The following ODAD2 variants were observed in gnomAD, a reference collection of about 807,000 sequenced individuals.
ODAD2 encodes outer dynein arm docking complex subunit 2.
In ODAD2, 89 loss-of-function variants were observed where a neutral mutation model predicts 106.8. The ratio of observed to expected loss-of-function variants is 0.83; its 90% CI spans 0.70 to 0.99. The LOEUF (loss-of-function observed/expected upper bound fraction) is 0.99, where lower values mean the gene tolerates loss of function less well. Among genes scored for constraint, ODAD2 ranks in the 50% least tolerant of loss-of-function variants. The pLI, the probability that ODAD2 is intolerant of heterozygous loss-of-function variation, is 0.00. For synonymous variants in ODAD2, 404 were observed against 436.2 expected (o/e 0.93, Z 0.92); for missense variants, 1,168 against 1,238.5 (o/e 0.94, Z 0.85).
chr10:27,945,040 T>C (rs572925599), intron 10 of ODAD2, 78 bp from the exon 11 acceptor site: 12 of 1,534,820 alleles, frequency 7.8e-6, no homozygotes, highest in Non-Finnish European at 9.8e-6. Flanking sequence ...TACGAATCCA[T>C]GAACTGGAAA....
intron 19 of ODAD2, among the ~76,000 whole-genome samples, chr10:27,843,267 A>C (rs1472469826): frequency 3.3e-5 from 5 of 152,238 alleles, no homozygotes; most frequent in Non-Finnish European, 5.9e-5. Context: ...AAATCTGTGC[A>C]TGAAAATCTT....
chr10:27,930,697 A>T (rs1845558362), intron 16 of ODAD2, among the ~76,000 whole-genome samples: 1 of 152,120 alleles, frequency 6.6e-6, no homozygotes, highest in South Asian at 2.1e-4. Context: ...CTTATTAAGA[A>T]ACAATATACT....
At chr10:27,887,913 T>A (rs1401578245) in intron 17 of ODAD2, among the ~76,000 whole-genome samples, 1 of 152,058 alleles carries the variant, frequency 6.6e-6, no homozygotes, top group Non-Finnish European at 1.5e-5. Context: ...TGAACAGTTG[T>A]ACACCAACAA....
At chr10:27,955,235 AT>A (rs759061144) in intron 10 of ODAD2, among the ~76,000 whole-genome samples, 35 of 149,160 alleles carry the variant, frequency 2.3e-4, no homozygotes, top group Admixed American at 5.4e-4. Context: ...ATTCTTTTCC[AT>A]TTTTTTTTTA....
At position 27,961,640 on chromosome 10, in the gene ODAD2, G is replaced by A. The variant is rs1445068915; in HGVS notation, c.1314C>T (p.Asp438=). Residue 438 remains aspartate, a synonymous_variant, in exon 10 of 20, where the codon GAC becomes GAT. Transcript: ENST00000305242. ...AATCTGCACTTGCTTCCTGACGATG[G>A]TCAGGTGGTTCTTCATCTTCCTCAC... ...SESEEDEEPP[D]HRQEASADLP... 4 of 1,609,600 alleles carry A rather than the reference G, an allele frequency of 2.5e-6. No individual in the cohort carries two copies. In the African/African-American group the frequency reaches 4.0e-5, roughly 16 times the overall value.
intron 10 of ODAD2, among the ~76,000 whole-genome samples, chr10:27,958,264 C>G (rs1847870696): frequency 2.0e-5 from 3 of 152,252 alleles, no homozygotes; most frequent in Admixed American, 2.0e-4. Flanking sequence ...TTTAGCTGTA[C>G]TGGGACAGAA....
rs1368830561 is a variant in ODAD2 at position 27,985,256 on chromosome 10, G to A, written c.383-45C>T. ...GGAGACAAATAAAAATTATCCACTTGTCTTCTAGTACAACAAACATTAAGA... is the reference window on the plus strand; with the variant it reads ...GGAGACAAATAAAAATTATCCACTTATCTTCTAGTACAACAAACATTAAGA... On this transcript the variant is annotated intron_variant, in intron 3 of 19. Transcript: ENST00000305242. 4 of 1,384,478 alleles carry A rather than the reference G, an allele frequency of 2.9e-6. No homozygotes were observed. In the Admixed American group the frequency reaches 7.9e-5, roughly 27 times the overall value. 85.8% of individuals were successfully genotyped at this position (1,384,478 alleles called of 1,614,324 possible).
chr10:27,885,438 A>G (rs1842007794), intron 17 of ODAD2, among the ~76,000 whole-genome samples: 1 of 132,146 alleles, frequency 7.6e-6, no homozygotes, highest in African/African-American at 3.0e-5. Context: ...TGAACCTGGG[A>G]GGTGGAGGTT....
intron 17 of ODAD2, among the ~76,000 whole-genome samples, chr10:27,882,458 T>A (rs968884163): frequency 1.7e-4 from 26 of 152,082 alleles, no homozygotes; most frequent in African/African-American, 6.3e-4. Flanking sequence ...AGGGGAAGCA[T>A]GTCTGAAATG....
At chr10:27,899,270 T>C (rs1233095999) in intron 17 of ODAD2, among the ~76,000 whole-genome samples, 3 of 151,924 alleles carry the variant, frequency 2.0e-5, no homozygotes, top group Non-Finnish European at 2.9e-5. Context: ...TGAGGAACAG[T>C]ATACTCTGGC....
In ODAD2 at chr10:27,823,869, G is replaced by A. The variant is rs967457074; in HGVS notation, c.3022-11244C>T. ...CATAAAAATAGTTCAGGCCGGGCGC[G>A]GTGGCTCACGCCTGTAATCCCAGCA... On this transcript the variant is annotated intron_variant, in intron 19 of 19. Transcript: ENST00000305242. Among the ~76,000 whole-genome samples the A allele has an allele frequency of 7.7e-5, 9 of 116,370 alleles. 3 individuals carry two copies. Among genetic ancestry groups the A allele is most frequent in the African/African-American group, 3.4e-4 (7 of 20,602 alleles). The allele number at this position is 116,370 out of a possible 152,430, so 76.3% of individuals were successfully genotyped here. A position where few individuals can be genotyped will look rare whatever the true frequency, so the allele number is the denominator to read the frequency against.
intron 1 of ODAD2, 89 bp downstream of exon 1, chr10:27,998,905 C>T (rs1474322908): frequency 6.4e-6 from 1 of 155,294 alleles, no homozygotes; most frequent in Non-Finnish European, 1.4e-5. Flanking sequence ...TGTGGGAGGC[C>T]TACAGGGCCC....
chr10:27,896,192 A>C (rs1842843224), intron 17 of ODAD2, among the ~76,000 whole-genome samples: 1 of 152,328 alleles, frequency 6.6e-6, no homozygotes, highest in South Asian at 2.1e-4. Context: ...TATACACGTC[A>C]ATGAAATTTT....
At position 27,935,155 on chromosome 10, in the gene ODAD2, A is replaced by G; in HGVS notation, c.2350T>C (p.Cys784Arg). The stretch of plus-strand genomic sequence containing the variant: ...ATGACTCGGTTTTCACGTTCTTGGC[A>G]GCATTCTCCCAAGGCCCCAACCACA... ...VNVVGALGEC[C>R]QERENRVIVR... The change falls in exon 16 of 20, where the codon TGC becomes CGC. Residue 784 changes from cysteine to arginine, a missense_variant. Physicochemically the swap from Cys to Arg is radical, Grantham distance 180. Around this residue, in one of 3 missense-constraint regions of ODAD2, gnomAD observed 701 missense variants for 712.3 expected, o/e 0.98. Transcript: ENST00000305242. 16 of 1,614,030 alleles carry G rather than the reference A, an allele frequency of 9.9e-6. No individual in the cohort carries two copies. Among genetic ancestry groups the G allele is most frequent in the Non-Finnish European group, 1.4e-5 (16 of 1,179,904 alleles).
intron 16 of ODAD2, among the ~76,000 whole-genome samples, chr10:27,922,807 G>A (rs1474817404): frequency 1.3e-5 from 2 of 152,150 alleles, no homozygotes; most frequent in African/African-American, 4.8e-5. Flanking sequence ...TATGGTGGCT[G>A]AGGCAGGAGA....
chr10:27,886,452 T>A (rs1183636368), intron 17 of ODAD2, among the ~76,000 whole-genome samples: 1 of 152,020 alleles, frequency 6.6e-6, no homozygotes, highest in Admixed American at 6.6e-5. Flanking sequence ...AAAATTAGAC[T>A]AACCTAGAGA....
intron 16 of ODAD2, among the ~76,000 whole-genome samples, chr10:27,923,045 A>G (rs1423331505): frequency 6.6e-6 from 1 of 152,180 alleles, no homozygotes; most frequent in Non-Finnish European, 1.5e-5. Context: ...CAAAAATGCA[A>G]ACCTTTCTAA....
At chr10:27,849,774 T>G (rs1343164385) in intron 19 of ODAD2, among the ~76,000 whole-genome samples, 1 of 152,206 alleles carries the variant, frequency 6.6e-6, no homozygotes, top group African/African-American at 2.4e-5. Context: ...GAAAAAATAG[T>G]TCCTAATGGG....
intron 17 of ODAD2, among the ~76,000 whole-genome samples, chr10:27,869,621 G>A (rs1840710186): frequency 1.3e-5 from 2 of 149,960 alleles, no homozygotes; most frequent in South Asian, 2.1e-4. Context: ...TGCAACTTCC[G>A]CCCCCTAGGT....
Sources: gnomAD v4.1 joint callset for allele counts (sites outside exome capture counted in the v4.1 genomes callset) on GRCh38, gnomAD v4.1.1 for gene constraint, gnomAD v4.1.1 regional missense constraint, MANE v1.5 for transcripts, NCBI Gene and HGNC (gene_info 2026-07-23, HGNC 2026-07-21) for gene names.